The following SLC2A9 variants were observed in gnomAD, a reference collection of about 807,000 sequenced individuals.
The protein encoded by SLC2A9 is solute carrier family 2, facilitated glucose transporter member 9.
Under a neutral mutation model 50.6 loss-of-function variants are expected in SLC2A9, and 39 were observed. The ratio of observed to expected loss-of-function variants is 0.77; its 90% CI spans 0.60 to 1.01. The LOEUF (loss-of-function observed/expected upper bound fraction) is 1.01, where lower values mean the gene tolerates loss of function less well. SLC2A9 is among the 50% of genes least tolerant of loss of function. SLC2A9 has a pLI of 0.00. For synonymous variants in SLC2A9, 324 were observed against 276.9 expected (o/e 1.17, Z -1.69); for missense variants, 686 against 677.6 (o/e 1.01, Z -0.14).
intron 10 of SLC2A9, among the ~76,000 whole-genome samples, chr4:9,886,440 G>A (rs1434706084): frequency 6.4e-5 from 6 of 93,520 alleles, no homozygotes; most frequent in Non-Finnish European, 1.3e-4. Flanking sequence ...GTGTGTGTGT[G>A]TGTGTGTGTG....
chr4:10,018,886 G>T (rs1207952714), intron 2 of SLC2A9, 89 bp downstream of exon 2: 2 of 1,316,790 alleles, frequency 1.5e-6, no homozygotes, highest in Non-Finnish European at 1.1e-6. Flanking sequence ...GAGCGCAACA[G>T]GAGGGGGCGC....
intron 10 of SLC2A9, among the ~76,000 whole-genome samples, chr4:9,884,408 T>C (rs572215227): frequency 6.6e-6 from 1 of 151,442 alleles, no homozygotes; most frequent in East Asian, 1.9e-4. Flanking sequence ...ATAGCTGAGA[T>C]TACAGGTACA....
intron 6 of SLC2A9, among the ~76,000 whole-genome samples, chr4:9,927,697 A>C (rs1745154718): frequency 6.6e-6 from 1 of 152,178 alleles, no homozygotes; most frequent in Non-Finnish European, 1.5e-5. Context: ...GTTGGATCCA[A>C]GGTAGGGTAT....
intron 10 of SLC2A9, among the ~76,000 whole-genome samples, chr4:9,840,015 T>C (rs926567198): frequency 6.6e-6 from 1 of 152,158 alleles, no homozygotes; most frequent in African/African-American, 2.4e-5. Context: ...TATTATCTTA[T>C]TTAATTATCA....
At chr4:10,004,962 T>G (rs1285069817) in intron 2 of SLC2A9, among the ~76,000 whole-genome samples, 1 of 152,176 alleles carries the variant, frequency 6.6e-6, no homozygotes, top group East Asian at 1.9e-4. Context: ...TTACTTGGGA[T>G]TCCTTGTTTT....
rs576420234 is a variant in SLC2A9, at chr4:9,908,298, C to T, written c.1050G>A (p.Pro350=). 763 of 1,614,006 alleles carry T rather than the reference C, an allele frequency of 4.7e-4. 14 individuals are homozygous for T. The South Asian group carries it at 7.7e-3, about 16-fold the overall frequency. ...NSIFGKAGIP[P]AKIPYVTLST... is the part of the protein sequence containing the mutation. Reference sequence around the variant, plus strand: ...TCAAGGTGACGTATGGGATCTTTGCCGGAGGGATCCCAGCTTTTCCAAAGA... The same window carrying T: ...TCAAGGTGACGTATGGGATCTTTGCTGGAGGGATCCCAGCTTTTCCAAAGA... The change falls in exon 8 of 12, where the codon CCG becomes CCA. Residue 350 remains proline, a synonymous_variant. Transcript: ENST00000264784.
chr4:9,864,135 CCTTT>C (rs1732078027), intron 10 of SLC2A9, among the ~76,000 whole-genome samples: 1 of 152,046 alleles, frequency 6.6e-6, no homozygotes, highest in African/African-American at 2.4e-5. Flanking sequence ...CTTGTCTGCC[CCTTT>C]CTTTGGTTTC....
intron 11 of SLC2A9, among the ~76,000 whole-genome samples, chr4:9,827,306 C>A (rs138761199): frequency 8.0e-4 from 122 of 152,308 alleles, no homozygotes; most frequent in African/African-American, 2.6e-3. Context: ...GACTTGAAAT[C>A]CTAGCCTCAA....
chr4:9,811,018 C>T (rs996734467), intron 3 of SLC2A9, among the ~76,000 whole-genome samples: 2 of 152,210 alleles, frequency 1.3e-5, no homozygotes, highest in South Asian at 2.1e-4. Flanking sequence ...TTCTAGGTGG[C>T]TCTGAAAGAG....
rs1741029208 is a variant in SLC2A9 at position 9,908,149 on chromosome 4, C to T, written c.1113+86G>A. 9 of 898,412 alleles carry T rather than the reference C, an allele frequency of 1.0e-5. No individual in the cohort carries two copies. The Admixed American group carries it at 1.4e-4, about 14-fold the overall frequency. The allele number at this position is 898,412 out of a possible 1,614,324, so 55.7% of individuals were successfully genotyped here. A position where few individuals can be genotyped will look rare whatever the true frequency, so the allele number is the denominator to read the frequency against. ...ATTGATGAATTCTGATGGGGAAAGC[C>T]TGTGCCTTAAAGGACCTTATGAACA... is the stretch of plus-strand genomic sequence containing the variant. On this transcript the variant is annotated intron_variant, in intron 8 of 11. Transcript: ENST00000264784.
chr4:9,899,002 CT>C, intron 8 of SLC2A9, among the ~76,000 whole-genome samples: 2 of 86,516 alleles, frequency 2.3e-5, no homozygotes, highest in Non-Finnish European at 5.7e-5. Flanking sequence ...CCCTCCCCCT[CT>C]CTCTCTCTCT....
intron 8 of SLC2A9, among the ~76,000 whole-genome samples, chr4:9,896,792 ATATC>A (rs1267123682): frequency 6.6e-6 from 1 of 152,102 alleles, no homozygotes; most frequent in Non-Finnish European, 1.5e-5. Flanking sequence ...TTCCATGTGG[ATATC>A]TACTTTTTAT....
intron 10 of SLC2A9, among the ~76,000 whole-genome samples, chr4:9,844,854 T>C (rs1435590414): frequency 6.6e-6 from 1 of 152,248 alleles, no homozygotes; most frequent in African/African-American, 2.4e-5. Context: ...TAGTTTTGTT[T>C]TATGCATTAA....
downstream of SLC2A9, among the ~76,000 whole-genome samples, chr4:9,823,648 C>T (rs985102289): frequency 1.3e-5 from 2 of 152,088 alleles, no homozygotes; most frequent in African/African-American, 4.8e-5. Context: ...ATATTAAGGA[C>T]ACTAAAAGAA....
chr4:9,927,484 G>A lies in SLC2A9; in HGVS notation c.815-6912C>T, dbSNP rs566061070. Among the ~76,000 whole-genome samples, 5 of 152,358 alleles carry A rather than the reference G, an allele frequency of 3.3e-5. No homozygotes were observed. In the East Asian group the frequency reaches 5.8e-4, roughly 18 times the overall value. ...GATGAGACAGGCAAAGGGACTTCACGTGGAGCATAGGGCAATAGCCTCGTA... is the reference window on the plus strand; with the variant it reads ...GATGAGACAGGCAAAGGGACTTCACATGGAGCATAGGGCAATAGCCTCGTA... On this transcript the variant is annotated intron_variant, in intron 6 of 11. Transcript: ENST00000264784.
chr4:9,835,739 T>C (rs1300729585), intron 10 of SLC2A9, among the ~76,000 whole-genome samples: 1 of 152,058 alleles, frequency 6.6e-6, no homozygotes, highest in Non-Finnish European at 1.5e-5. Flanking sequence ...CCAAACATCG[T>C]ATGTTGTCAC....
intron 8 of SLC2A9, among the ~76,000 whole-genome samples, chr4:9,897,944 C>A (rs530286944): frequency 6.6e-6 from 1 of 152,250 alleles, no homozygotes; most frequent in African/African-American, 2.4e-5. Context: ...AGAATGTCAT[C>A]TGAAGATGAG....
At chr4:9,917,344 T>C (rs867805836) in intron 7 of SLC2A9, among the ~76,000 whole-genome samples, 2,334 of 137,560 alleles carry the variant, frequency 0.017, 14 homozygotes, top group Middle Eastern at 0.043. Flanking sequence ...TTTTTTTTTT[T>C]TTTTTTGTGA....
At chr4:9,846,947 C>A (rs1729088596) in intron 10 of SLC2A9, among the ~76,000 whole-genome samples, 1 of 152,172 alleles carries the variant, frequency 6.6e-6, no homozygotes, top group South Asian at 2.1e-4. Context: ...CTCTTAGTCA[C>A]CAGGTTTAAC....
Sources: gnomAD v4.1 joint callset for allele counts (sites outside exome capture counted in the v4.1 genomes callset) on GRCh38, gnomAD v4.1.1 for gene constraint, MANE v1.5 for transcripts, NCBI Gene and HGNC (gene_info 2026-07-23, HGNC 2026-07-21) for gene names.